Variants in APOB observed in about 807,000 individuals in gnomAD.
The protein encoded by APOB is apolipoprotein B-100.
APOB carries 153 observed loss-of-function variants against 314.1 expected under a neutral mutation model. The observed-to-expected ratio is 0.49, with a 90% confidence interval of 0.43 to 0.56. The LOEUF is 0.56. APOB is among the 20% of genes least tolerant of loss of function. The pLI, the probability that APOB is intolerant of heterozygous loss-of-function variation, is 0.00. For synonymous variants in APOB, 2,087 were observed against 2,036.4 expected (o/e 1.02, Z -0.67); for missense variants, 5,430 against 5,350.7 (o/e 1.01, Z -0.46).
Position 21,043,879 on chromosome 2 carries a change from C to T in APOB, c.67G>A (p.Ala23Thr). The change falls in exon 1 of 29, where the codon GCG (alanine) becomes ACG (threonine). Residue 23 changes from alanine to threonine, a missense_variant. Ala to Thr is a moderately conservative substitution (Grantham distance 58). This residue lies in a region of APOB where 2,085 missense variants were observed against 2,079.7 expected (regional missense o/e 1.00). Transcript: ENST00000233242. ...ALPALLLLLLAGARAEEEMLE... is the reference protein window; with the variant it reads ...ALPALLLLLLTGARAEEEMLE... ...GCGCACTCACCGGCCCTGGCGCCCG[C>T]CAGCAGCAGCAGCAGCAGCGCAGGC... 5 of 1,416,434 alleles carry T rather than the reference C, an allele frequency of 3.5e-6. No individual in the cohort carries two copies. Among genetic ancestry groups the T allele is most frequent in the Non-Finnish European group, 4.7e-6 (5 of 1,064,744 alleles). 87.7% of individuals were successfully genotyped at this position (1,416,434 alleles called of 1,614,324 possible).
In APOB at chr2:21,012,041, C is replaced by T. The variant is rs1663338644; in HGVS notation, c.4827G>A (p.Leu1609=). The change falls in exon 26 of 29, where the codon TTG becomes TTA. Residue 1609 remains leucine (L), a synonymous_variant. Coordinates refer to ENST00000233242, the MANE Select transcript of APOB (RefSeq NM_000384.3). ...ATCCAGAAAGCAGGCTGAAGAACCTCAATGACTCGTAATCAGCCTGATATT... is the reference window on the plus strand; with the variant it reads ...ATCCAGAAAGCAGGCTGAAGAACCTTAATGACTCGTAATCAGCCTGATATT... ...RSEYQADYES[L]RFFSLLSGSL... The T allele has an allele frequency of 6.2e-7, 1 of 1,614,220 alleles. No homozygotes were observed. The highest frequency in any genetic ancestry group is 8.5e-7 in the Non-Finnish European group (1 of 1,180,046).
intron 5 of APOB, 50 bp downstream of exon 5, chr2:21,037,903 TAACAC>T: frequency 6.2e-7 from 1 of 1,603,488 alleles, no homozygotes; most frequent in South Asian, 1.1e-5. Context: ...GACTGGTCTC[TAACAC>T]ATGAAGATGA....
At chr2:21,043,738 T>A in intron 1 of APOB, 126 bp downstream of exon 1, 2 of 1,507,066 alleles carry the variant, frequency 1.3e-6, no homozygotes, top group Middle Eastern at 3.5e-4. Flanking sequence ...GCTGGTCCAA[T>A]CCCCCCACTC....
intron 20 of APOB, among the ~76,000 whole-genome samples, chr2:21,017,833 GCTTT>G (rs1190193611): frequency 6.6e-6 from 1 of 152,070 alleles, no homozygotes; most frequent in Admixed American, 6.6e-5. Context: ...CTCCTCCAGT[GCTTT>G]CTATCATGGG....
At chr2:21,021,646 T>C (rs184943233) in intron 18 of APOB, among the ~76,000 whole-genome samples, 3 of 152,314 alleles carry the variant, frequency 2.0e-5, no homozygotes, top group Admixed American at 6.5e-5. Flanking sequence ...CATATTCCTT[T>C]ACCTTCAGGC....
rs926377020 is a variant in APOB, at chr2:21,005,628, G to A, written c.11240C>T (p.Pro3747Leu). 2.5e-6 allele frequency: 4 copies of A among 1,613,790 alleles called. No individual in the cohort carries two copies. In the African/African-American group the frequency reaches 5.3e-5, roughly 22 times the overall value. The change falls in exon 26 of 29, where the codon CCT becomes CTT. Residue 3747 changes from proline to leucine, a missense_variant. This residue lies in a region of APOB where 3,281 missense variants were observed against 3,171.0 expected (regional missense o/e 1.03). Coordinates refer to ENST00000233242, the MANE Select transcript of APOB (RefSeq NM_000384.3). ...ATCTGTAAATGGGACATGGAACGTA[G>A]GCATGACAAGAACTGAATTTAGATC... Reference protein sequence around the residue: ...LNDLNSVLVMPTFHVPFTDLQ... With the variant: ...LNDLNSVLVMLTFHVPFTDLQ...
intron 18 of APOB, among the ~76,000 whole-genome samples, 169 bp downstream of exon 18, chr2:21,022,662 T>A (rs1663640299): frequency 6.6e-6 from 1 of 152,202 alleles, no homozygotes; most frequent in Non-Finnish European, 1.5e-5. Flanking sequence ...ATGTAGTAAG[T>A]CTAGGCTAGA....
intron 21 of APOB, 105 bp from the exon 22 acceptor site, chr2:21,015,650 G>A (rs184339983): frequency 5.6e-6 from 7 of 1,239,116 alleles, no homozygotes; most frequent in Non-Finnish European, 8.1e-6. Context: ...CAGATACAAG[G>A]ATGGTTCAGA....
chr2:21,027,797 G>C, intron 14 of APOB, 31 bp downstream of exon 14: 1 of 1,532,478 alleles, frequency 6.5e-7, no homozygotes, highest in African/African-American at 1.4e-5. Flanking sequence ...GTACAAAATG[G>C]GCTAGAGAAC....
Position 21,010,535 on chromosome 2 carries a change from G to T in APOB, c.6333C>A (p.Tyr2111Ter), listed in dbSNP as rs1351772223. ...HINIDQFVRK[Y>*]RAALGKLPQQ... ...GTGGGAGTTTTCCCAGGGCTGCTCT[G>T]TATTTTCTTACAAATTGATCAATAT... is the stretch of plus-strand genomic sequence containing the variant. Residue 2111 changes from tyrosine to a stop codon, truncating the protein, a stop_gained, in exon 26 of 29, where the codon TAC becomes TAA. Transcript: ENST00000233242. LOFTEE classifies it high-confidence loss of function. The T allele has an allele frequency of 6.2e-7, 1 of 1,609,954 alleles. No individual in the cohort carries two copies. The highest frequency in any genetic ancestry group is 8.5e-7 in the Non-Finnish European group (1 of 1,177,092).
rs1426386080 is a variant in APOB at position 21,006,654 on chromosome 2, A to G, written c.10214T>C (p.Phe3405Ser). The G allele has an allele frequency of 3.1e-6, 5 of 1,614,072 alleles. No individual in the cohort carries two copies. Among genetic ancestry groups the G allele is most frequent in the Non-Finnish European group, 4.2e-6 (5 of 1,179,970 alleles). ...LATALSLSNK[F>S]VEGSHNSTVS... is the part of the protein sequence containing the mutation. ...AGTACTGTTATGACTACCCTCCACA[A>G]ATTTGTTGCTCAGAGACAGAGCTGT... Residue 3405 changes from phenylalanine (F) to serine (S), a missense_variant, in exon 26 of 29, where the codon TTT becomes TCT. Transcript: ENST00000233242.
At chr2:21,020,324 G>A (rs575481026) in intron 18 of APOB, among the ~76,000 whole-genome samples, 225 of 152,210 alleles carry the variant, frequency 1.5e-3, no homozygotes, top group Non-Finnish European at 2.4e-3. Context: ...CATTAAGCAC[G>A]CTCAAGTCTC....
chr2:21,043,564 A>G lies in APOB; in HGVS notation c.83-13T>C, dbSNP rs773710359. 1.3e-6 allele frequency: 2 copies of G among 1,598,080 alleles called. No individual in the cohort carries two copies. Among genetic ancestry groups the G allele is most frequent in the East Asian group, 4.5e-5 (2 of 44,510 alleles). ...AGCATTTCCTCTTCTGTAAGACAGG[A>G]GAAAGAAATCTGTGAGCTTCCCACG... On this transcript the variant is annotated splice_polypyrimidine_tract_variant and intron_variant, in intron 1 of 28. Transcript: ENST00000233242.
At position 21,019,850 on chromosome 2, in the gene APOB, C is replaced by G. The variant is rs773442036; in HGVS notation, c.2872G>C (p.Glu958Gln). 3 of 1,614,112 alleles carry G rather than the reference C, an allele frequency of 1.9e-6. No homozygotes were observed. In the South Asian group the frequency reaches 3.3e-5, roughly 18 times the overall value. Residue 958 changes from glutamate to glutamine, a missense_variant, in exon 19 of 29, where the codon GAG becomes CAG. By Grantham distance (29) the Glu-to-Gln change is conservative. Coordinates refer to ENST00000233242, the MANE Select transcript of APOB (RefSeq NM_000384.3). ...CAAACTGACCAGGACTGCCTGTTCT[C>G]AATGAGAGGTGGGATCACCTCCGTT... ...TKTEVIPPLI[E>Q]NRQSWSVCKQ... is the part of the protein sequence containing the mutation.
In APOB at chr2:21,002,734, G is replaced by C. The variant is rs369527542; in HGVS notation, c.12688C>G (p.Gln4230Glu). The C allele has an allele frequency of 6.2e-7, 1 of 1,612,408 alleles. No homozygotes were observed. The highest frequency in any genetic ancestry group is 8.5e-7 in the Non-Finnish European group (1 of 1,179,008). Residue 4230 changes from glutamine (Q) to glutamate (E), a missense_variant, in exon 29 of 29, where the codon CAG (glutamine) becomes GAG (glutamate). This residue lies in a region of APOB where 3,281 missense variants were observed against 3,171.0 expected (regional missense o/e 1.03). Coordinates refer to ENST00000233242, the MANE Select transcript of APOB (RefSeq NM_000384.3). ...FIREVGTVLS[Q>E]VYSKVHNGSE... Reference sequence around the variant, plus strand: ...CCATTATGGACTTTCGAATATACCTGGGACAGTACCGTCCCTACCTCCCTT... The same window carrying C: ...CCATTATGGACTTTCGAATATACCTCGGACAGTACCGTCCCTACCTCCCTT...
Position 21,012,188 on chromosome 2 carries a change from G to A in APOB, c.4680C>T (p.Ser1560=), listed in dbSNP as rs948486350. ...LQSGIIKNTA[S]LKYENYELTL... Reference sequence around the variant, plus strand: ...TCAGCTCGTAGTTCTCATACTTTAGGGAAGCAGTATTTTTAATGATGCCAC... The same window carrying A: ...TCAGCTCGTAGTTCTCATACTTTAGAGAAGCAGTATTTTTAATGATGCCAC... The change falls in exon 26 of 29, where the codon TCC becomes TCT. Residue 1560 remains serine (S), a synonymous_variant. Transcript: ENST00000233242. The A allele has an allele frequency of 8.7e-6, 14 of 1,602,142 alleles. No homozygotes were observed. Among genetic ancestry groups the A allele is most frequent in the Admixed American group, 5.1e-5 (3 of 59,002 alleles).
At chr2:21,027,516 T>C (rs906370710) in intron 14 of APOB, among the ~76,000 whole-genome samples, 1 of 152,100 alleles carries the variant, frequency 6.6e-6, no homozygotes, top group Non-Finnish European at 1.5e-5. Flanking sequence ...GCTTTCACCG[T>C]GTTAGCCAGG....
In APOB at chr2:21,028,343, C is replaced by T. The variant is rs1211285439; in HGVS notation, c.1813G>A (p.Glu605Lys). 2.5e-6 allele frequency: 4 copies of T among 1,613,390 alleles called. No homozygotes were observed. The African/African-American group carries it at 4.0e-5, about 16-fold the overall frequency. The part of the protein sequence containing the change: ...SHIANILNSE[E>K]LDIQDLKKLV... ...CTTACTTACTCTTGGATATCCAATT[C>T]TTCTGAGTTCAAGATATTGGCAATA... The change falls in exon 13 of 29, where the codon GAA becomes AAA. Residue 605 changes from glutamate to lysine, a missense_variant. Physicochemically the swap from Glu to Lys is moderately conservative, Grantham distance 56. Around this residue, in one of 3 missense-constraint regions of APOB, gnomAD observed 2,085 missense variants for 2,079.7 expected, o/e 1.00. Transcript: ENST00000233242.
At position 21,002,124 on chromosome 2, in the gene APOB, G is replaced by A. The variant is rs1282168170; in HGVS notation, c.13298C>T (p.Thr4433Ile). The change falls in exon 29 of 29, where the codon ACT becomes ATT. Residue 4433 changes from threonine to isoleucine, a missense_variant. Around this residue, in one of 3 missense-constraint regions of APOB, gnomAD observed 3,281 missense variants for 3,171.0 expected, o/e 1.03. Coordinates refer to ENST00000233242, the MANE Select transcript of APOB (RefSeq NM_000384.3). ...CTCAACTTGACTTGAGAGTTGGGAA[G>A]TAAAGTTAGAGGCACTGACAATATA... is the stretch of plus-strand genomic sequence containing the variant. ...SEYIVSASNF[T>I]SQLSSQVEQF... The A allele has an allele frequency of 6.2e-7, 1 of 1,613,948 alleles. No homozygotes were observed. The highest frequency in any genetic ancestry group is 1.7e-5 in the Admixed American group (1 of 60,002).
Sources: allele counts gnomAD v4.1 joint callset (sites outside exome capture counted in the v4.1 genomes callset), GRCh38; gene constraint gnomAD v4.1.1; regional missense constraint gnomAD v4.1.1; transcripts MANE v1.5; gene names NCBI Gene and HGNC (gene_info 2026-07-23, HGNC 2026-07-21).